SLC66A2: variants seen among roughly 807,000 people sequenced by gnomAD.
SLC66A2 encodes solute carrier family 66 member 2, also known as PQ loop repeat containing 1.
Under a neutral mutation model 25.5 loss-of-function variants are expected in SLC66A2, and 23 were observed. That is an observed-to-expected ratio of 0.90 (90% CI 0.65 to 1.28). SLC66A2 has a LOEUF of 1.28. SLC66A2 is among the 50% of genes most tolerant of loss of function. The pLI, the probability that SLC66A2 is intolerant of heterozygous loss-of-function variation, is 0.00. For missense variants in SLC66A2, 396 were observed against 373.1 expected, an observed-to-expected ratio of 1.06 and a Z score of -0.51; for synonymous variants, 193 against 166.5, an observed-to-expected ratio of 1.16 and a Z score of -1.23.
Position 79,904,631 on chromosome 18 carries a change from C to T in SLC66A2, c.609-448G>A, listed in dbSNP as rs956035553. Among the ~76,000 whole-genome samples, 2 of 152,096 alleles carry T rather than the reference C, an allele frequency of 1.3e-5. No individual in the cohort carries two copies. The highest frequency in any genetic ancestry group is 2.4e-5 in the African/African-American group (1 of 41,402). The stretch of plus-strand genomic sequence containing the variant: ...GCCGGGCCTGGGAGGGTGCTGAGGA[C>T]GCAGATCTGTGCCCCCAGGCACACA... On this transcript the variant is annotated intron_variant, in intron 5 of 5. Coordinates refer to ENST00000397778, the MANE Select transcript of SLC66A2 (RefSeq NM_025078.5). This position sits in a 1 kb window ranked among gnomAD's most constrained non-coding sequence, Gnocchi z 6.3.
intron 5 of SLC66A2, among the ~76,000 whole-genome samples, chr18:79,913,271 C>T (rs746298207): frequency 4.6e-5 from 7 of 152,296 alleles, no homozygotes; most frequent in East Asian, 1.9e-4. Flanking sequence ...GTCTGTATTC[C>T]GCATTTCAGG....
chr18:79,929,578 A>C (rs1033831761), intron 4 of SLC66A2, among the ~76,000 whole-genome samples: 33 of 152,258 alleles, frequency 2.2e-4, no homozygotes, highest in African/African-American at 7.2e-4. Context: ...CAGGAAAAAA[A>C]TAATAAGCAG....
chr18:79,903,344 T>G lies in SLC66A2; in HGVS notation c.*632A>C, dbSNP rs1981509827. On this transcript the variant is annotated 3_prime_UTR_variant, in exon 6 of 6. Coordinates refer to ENST00000397778, the MANE Select transcript of SLC66A2 (RefSeq NM_025078.5). ...GCTCAGCCGGGCTGGACACAGCGGA[T>G]CCACAAGGCGTTCAGGCCTCGCAGC... The G allele has an allele frequency of 6.6e-6, 1 of 152,396 alleles. No homozygotes were observed. The highest frequency in any genetic ancestry group is 1.5e-5 in the Non-Finnish European group (1 of 68,220). 9.4% of individuals were successfully genotyped at this position (152,396 alleles called of 1,614,324 possible). A position where few individuals can be genotyped will look rare whatever the true frequency, so the allele number is the denominator to read the frequency against.
intron 1 of SLC66A2, 30 bp from the exon 2 acceptor site, chr18:79,951,055 C>T: frequency 1.6e-6 from 1 of 625,128 alleles, no homozygotes. Flanking sequence ...GCTCGAGTTC[C>T]GCCCAGGGAG....
chr18:79,916,684 G>A (rs969571515), intron 5 of SLC66A2, among the ~76,000 whole-genome samples: 9 of 152,250 alleles, frequency 5.9e-5, no homozygotes, highest in South Asian at 4.1e-4. Flanking sequence ...CCGTGAGGGC[G>A]GCAGCCCCAC....
At chr18:79,934,128 TAAA>T (rs3837882) in intron 3 of SLC66A2, 106 bp from the exon 4 acceptor site, 388 of 598,976 alleles carry the variant, frequency 6.5e-4, no homozygotes, top group South Asian at 1.5e-3. Flanking sequence ...TGCATTTCTT[TAAA>T]AAAAAAAAAA....
At chr18:79,942,691 C>T (rs1454549819) in intron 3 of SLC66A2, among the ~76,000 whole-genome samples, 1 of 152,114 alleles carries the variant, frequency 6.6e-6, no homozygotes, top group African/African-American at 2.4e-5. Flanking sequence ...CCTGCATGTT[C>T]AAACAGAGTT....
intron 2 of SLC66A2, chr18:79,943,867 AG>A (rs922269009): frequency 5.0e-6 from 1 of 198,238 alleles, no homozygotes; most frequent in African/African-American, 2.4e-5. Context: ...CCGGGTCAGA[AG>A]GGAGGCCCAC....
At position 79,943,325 on chromosome 18, in the gene SLC66A2, C is replaced by T. The variant is rs1987861126; in HGVS notation, c.337+4G>A. ...GACTTTATTCCGAAGCGCCGGCCAC[C>T]AACCTGTAAAGGAGCGGCGCCTGGC... On this transcript the variant is annotated splice_donor_region_variant and intron_variant, in intron 3 of 5. Coordinates refer to ENST00000397778, the MANE Select transcript of SLC66A2 (RefSeq NM_025078.5). 1.9e-6 allele frequency: 3 copies of T among 1,613,570 alleles called. No individual in the cohort carries two copies. Among genetic ancestry groups the T allele is most frequent in the Non-Finnish European group, 2.5e-6 (3 of 1,179,762 alleles).
chr18:79,908,047 A>T (rs2123194927), intron 5 of SLC66A2, among the ~76,000 whole-genome samples: 1 of 152,322 alleles, frequency 6.6e-6, no homozygotes, highest in South Asian at 2.1e-4. Context: ...ACGTACAGCT[A>T]CATTCACTAA....
chr18:79,917,596 CTACA>C lies in SLC66A2; in HGVS notation c.608+1584_608+1587del, dbSNP rs1230515711. ...CAAGGCCCACGTCCAGCCGGGGAGC[CTACA>C]TACGACGCCCGCCCTGAGACCCACT... On this transcript the variant is annotated intron_variant, in intron 5 of 5. Transcript: ENST00000397778. This position sits in a 1 kb window ranked among gnomAD's most constrained non-coding sequence, Gnocchi z 6.0. Among the ~76,000 whole-genome samples, 1 of 152,114 alleles carries C rather than the reference CTACA, an allele frequency of 6.6e-6. No homozygotes were observed. The highest frequency in any genetic ancestry group is 2.4e-5 in the African/African-American group (1 of 41,422).
chr18:79,903,760 G>A lies in SLC66A2; in HGVS notation c.*216C>T, dbSNP rs2123161267. 5.5e-6 allele frequency: 3 copies of A among 540,770 alleles called. No homozygotes were observed. The highest frequency in any genetic ancestry group is 9.6e-6 in the Non-Finnish European group (3 of 311,140). The allele number at this position is 540,770 out of a possible 1,614,324, so 33.5% of individuals were successfully genotyped here. On this transcript the variant is annotated 3_prime_UTR_variant, in exon 6 of 6. Coordinates refer to ENST00000397778, the MANE Select transcript of SLC66A2 (RefSeq NM_025078.5). ...AAAACATCCAAAACCCTCGGGGCCA[G>A]ATCAACCCTGGCTGTCCCCGCTGAG...
intron 3 of SLC66A2, among the ~76,000 whole-genome samples, chr18:79,939,549 T>C (rs1336408949): frequency 6.6e-6 from 1 of 152,156 alleles, no homozygotes; most frequent in Admixed American, 6.5e-5. Context: ...AAAAAATGAA[T>C]AACCCCATTA....
In SLC66A2 at chr18:79,903,604, C is replaced by T. The variant is rs944203871; in HGVS notation, c.*372G>A. On this transcript the variant is annotated 3_prime_UTR_variant, in exon 6 of 6. Coordinates refer to ENST00000397778, the MANE Select transcript of SLC66A2 (RefSeq NM_025078.5). ...GGGTCTCCTGCGGTCACCCCAGCTT[C>T]AAGGTTCGCGGCTGCTGGCCCGTGT... 7 of 276,034 alleles carry T rather than the reference C, an allele frequency of 2.5e-5. No individual in the cohort carries two copies. The highest frequency in any genetic ancestry group is 4.8e-5 in the Non-Finnish European group (7 of 146,640). The allele number at this position is 276,034 out of a possible 1,614,324, so 17.1% of individuals were successfully genotyped here.
At chr18:79,939,346 G>A (rs1657573785) in intron 3 of SLC66A2, among the ~76,000 whole-genome samples, 1 of 152,168 alleles carries the variant, frequency 6.6e-6, no homozygotes, top group African/African-American at 2.4e-5. Flanking sequence ...CCCTCAGGGT[G>A]AGGCTCAAGA....
intron 3 of SLC66A2, among the ~76,000 whole-genome samples, chr18:79,936,692 T>C (rs1987122830): frequency 6.6e-6 from 1 of 152,212 alleles, no homozygotes; most frequent in South Asian, 2.1e-4. Context: ...AGTTAAACTT[T>C]ATAAAAGCAA....
chr18:79,922,722 T>C (rs2144805689), intron 4 of SLC66A2, among the ~76,000 whole-genome samples: 1 of 151,608 alleles, frequency 6.6e-6, no homozygotes, highest in South Asian at 2.1e-4. Flanking sequence ...GGCCCGCACC[T>C]GACCTCTCCT....
At chr18:79,913,307 G>A (rs28480320) in intron 5 of SLC66A2, among the ~76,000 whole-genome samples, 2,566 of 151,758 alleles carry the variant, frequency 0.017, 86 homozygotes, top group African/African-American at 0.059. Flanking sequence ...CAACACCAAC[G>A]CACCCCCGCT....
intron 4 of SLC66A2, among the ~76,000 whole-genome samples, chr18:79,932,424 C>A (rs1986659258): frequency 6.6e-6 from 1 of 151,564 alleles, no homozygotes; most frequent in African/African-American, 2.4e-5. Context: ...AGAAAATGAA[C>A]AAAACCAAAA....
Sources: gnomAD v4.1 joint callset for allele counts (sites outside exome capture counted in the v4.1 genomes callset) on GRCh38, gnomAD v4.1.1 for gene constraint, Gnocchi (gnomAD v3.1) non-coding constraint, MANE v1.5 for transcripts, NCBI Gene and HGNC (gene_info 2026-07-23, HGNC 2026-07-21) for gene names.